Variants in ATRN observed in about 807,000 individuals in gnomAD.
ATRN encodes the protein attractin-2.
Under a neutral mutation model 178.7 loss-of-function variants are expected in ATRN, and 54 were observed. The ratio of observed to expected loss-of-function variants is 0.30; its 90% confidence interval spans 0.24 to 0.38. ATRN has a LOEUF of 0.38. ATRN is among the 10% of genes least tolerant of loss of function. The pLI is 1.00. For synonymous variants in ATRN, 636 were observed against 663.0 expected, an observed-to-expected ratio of 0.96 and a Z score of 0.63; for missense variants, 1,443 against 1,815.1, an observed-to-expected ratio of 0.79 and a Z score of 3.73.
At chr20:3,501,522 G>A (rs2084964492) in intron 1 of ATRN, among the ~76,000 whole-genome samples, 1 of 152,152 alleles carries the variant, frequency 6.6e-6, no homozygotes, top group African/African-American at 2.4e-5. Context: ...CTACTAGGGA[G>A]ATTTTCATTT....
chr20:3,568,839 A>G (rs868531319), intron 11 of ATRN, among the ~76,000 whole-genome samples: 2 of 152,200 alleles, frequency 1.3e-5, no homozygotes, highest in African/African-American at 2.4e-5. Flanking sequence ...GCCTTCTTAC[A>G]CTTAGGAACA....
intron 24 of ATRN, among the ~76,000 whole-genome samples, chr20:3,611,949 A>G (rs1274131498): frequency 6.6e-6 from 1 of 152,234 alleles, no homozygotes; most frequent in Non-Finnish European, 1.5e-5. Flanking sequence ...TTAAAAAACT[A>G]ATGTTATACT....
chr20:3,646,943 C>G lies in ATRN; in HGVS notation c.*96C>G. 6.8e-7 allele frequency: 1 copy of G among 1,476,012 alleles called. No individual in the cohort carries two copies. 91.4% of individuals were successfully genotyped at this position (1,476,012 alleles called of 1,614,324 possible). A position where few individuals can be genotyped will look rare whatever the true frequency, so the allele number is the denominator to read the frequency against. On this transcript the variant is annotated 3_prime_UTR_variant, in exon 29 of 29. Transcript: ENST00000262919. ...GTGGCGGGGAAATGGCTGTGCGGTG[C>G]GGGACGGAAGACTGGAAACCCTCAA... is the stretch of plus-strand genomic sequence containing the variant.
intron 23 of ATRN, among the ~76,000 whole-genome samples, chr20:3,603,254 G>A (rs2086636223): frequency 6.6e-6 from 1 of 152,138 alleles, no homozygotes; most frequent in African/African-American, 2.4e-5. Context: ...TGCTACAGTG[G>A]GTTAGGCAGT....
chr20:3,545,077 A>G (rs796169099), intron 3 of ATRN, among the ~76,000 whole-genome samples: 2 of 152,066 alleles, frequency 1.3e-5, no homozygotes, highest in East Asian at 3.8e-4. Flanking sequence ...AATATTTTAT[A>G]TAAAATATCT....
intron 12 of ATRN, 130 bp downstream of exon 12, chr20:3,573,081 C>T (rs954284913): frequency 2.3e-6 from 2 of 858,220 alleles, no homozygotes; most frequent in Non-Finnish European, 3.5e-6. Context: ...ATAACTTGTA[C>T]AAAGTGTTTT....
intron 1 of ATRN, among the ~76,000 whole-genome samples, chr20:3,481,461 C>T (rs2146069534): frequency 6.6e-6 from 1 of 152,230 alleles, no homozygotes. Flanking sequence ...GTGCCTCCCA[C>T]CTCAGCGTCC....
At chr20:3,602,744 A>G (rs1190186107) in intron 23 of ATRN, among the ~76,000 whole-genome samples, 1 of 151,876 alleles carries the variant, frequency 6.6e-6, no homozygotes. Flanking sequence ...CAGGTGGATT[A>G]CCTGAGGTCA....
intron 2 of ATRN, among the ~76,000 whole-genome samples, chr20:3,537,917 TA>T (rs1174118233): frequency 2.7e-5 from 4 of 150,928 alleles, no homozygotes; most frequent in African/African-American, 9.7e-5. Flanking sequence ...TATTTTATTT[TA>T]TTTTTTTATT....
At chr20:3,580,237 C>G (rs894966402) in intron 15 of ATRN, among the ~76,000 whole-genome samples, 9 of 152,104 alleles carry the variant, frequency 5.9e-5, no homozygotes, top group African/African-American at 2.2e-4. Flanking sequence ...TGCTTATTAC[C>G]CTGGTGTCTC....
intron 15 of ATRN, among the ~76,000 whole-genome samples, chr20:3,581,535 G>A (rs1249253595): frequency 3.3e-5 from 5 of 152,052 alleles, no homozygotes; most frequent in Admixed American, 2.0e-4. Flanking sequence ...GGAGTGTTTC[G>A]AATTTTAGAA....
chr20:3,531,316 A>T (rs1299229365), intron 1 of ATRN, among the ~76,000 whole-genome samples: 1 of 152,260 alleles, frequency 6.6e-6, no homozygotes, highest in African/African-American at 2.4e-5. Context: ...GAATTGTTAC[A>T]GCCTTTTGGA....
intron 24 of ATRN, 145 bp downstream of exon 24, chr20:3,604,407 A>G (rs1241632186): frequency 6.5e-6 from 6 of 920,754 alleles, no homozygotes; most frequent in East Asian, 2.7e-5. Flanking sequence ...AGTGCTGAGC[A>G]CATGCATGCT....
chr20:3,573,762 ATTT>A (rs2086162818), intron 12 of ATRN, among the ~76,000 whole-genome samples: 2 of 4,670 alleles, frequency 4.3e-4, no homozygotes, highest in African/African-American at 1.6e-3. Flanking sequence ...ATTTTATTTT[ATTT>A]ATTTATTTAT....
At chr20:3,556,780 T>C (rs1029880213) in intron 6 of ATRN, among the ~76,000 whole-genome samples, 1 of 152,168 alleles carries the variant, frequency 6.6e-6, no homozygotes, top group African/African-American at 2.4e-5. Context: ...AGTATCGTTC[T>C]TGTCTTATGT....
chr20:3,589,018 T>G (rs1227730044), intron 18 of ATRN, among the ~76,000 whole-genome samples: 4 of 122,702 alleles, frequency 3.3e-5, no homozygotes, highest in Non-Finnish European at 6.4e-5. Context: ...AGTCTCACTC[T>G]TTCACCCAGT....
intron 24 of ATRN, among the ~76,000 whole-genome samples, chr20:3,608,477 C>T (rs1018543310): frequency 1.3e-5 from 2 of 152,168 alleles, no homozygotes; most frequent in Non-Finnish European, 2.9e-5. Context: ...CTTTCCCTCA[C>T]TGAATATTCT....
intron 26 of ATRN, among the ~76,000 whole-genome samples, chr20:3,637,421 A>G (rs985636723): frequency 3.3e-5 from 5 of 152,308 alleles, no homozygotes; most frequent in Admixed American, 2.6e-4. Context: ...ATTGCTGCAT[A>G]TATTAGTCGA....
In ATRN at chr20:3,554,990, CTTTTTTTTTT is replaced by C. The variant is rs536209701; in HGVS notation, c.1113-4382_1113-4373del. ...TGGAACACCAAGTGTGACCTGACCT[CTTTTTTTTTT>C]TTTTTTTTTTTTTTTTTTTTGAGAC... On this transcript the variant is annotated intron_variant, in intron 6 of 28. Transcript: ENST00000262919. 8.7e-4 allele frequency among the ~76,000 whole-genome samples: 59 copies of C among 67,494 alleles called. 1 individual carries two copies. Among genetic ancestry groups the C allele is most frequent in the African/African-American group, 2.6e-3 (37 of 14,252 alleles). The allele number at this position is 67,494 out of a possible 152,430, so 44.3% of individuals were successfully genotyped here. A position where few individuals can be genotyped will look rare whatever the true frequency, so the allele number is the denominator to read the frequency against.
Sources: allele counts gnomAD v4.1 joint callset (sites outside exome capture counted in the v4.1 genomes callset), GRCh38; gene constraint gnomAD v4.1.1; transcripts MANE v1.5; gene names NCBI Gene and HGNC (gene_info 2026-07-23, HGNC 2026-07-21).